Variants in BTG4 observed in about 807,000 individuals in gnomAD.
The protein encoded by BTG4 is protein BTG4.
A neutral mutation model predicts 19.3 loss-of-function variants in BTG4; 10 were observed. The ratio of observed to expected loss-of-function variants is 0.52; its 90% confidence interval spans 0.32 to 0.88. The LOEUF is 0.88. Ranked by LOEUF, BTG4 falls within the 40% of genes least tolerant of loss-of-function variation. The pLI, the probability that BTG4 is intolerant of heterozygous loss-of-function variation, is 0.04. For synonymous variants in BTG4, 91 were observed against 95.7 expected, an observed-to-expected ratio of 0.95 and a Z score of 0.29; for missense variants, 238 against 281.9, an observed-to-expected ratio of 0.84 and a Z score of 1.11.
chr11:111,435,612 C>A, the BTG4 span, among the ~76,000 whole-genome samples: 35 of 152,344 alleles, frequency 2.3e-4, no homozygotes, highest in African/African-American at 8.2e-4. Flanking sequence ...AGCAAACAAG[C>A]TGCCTACCCT....
chr11:111,487,710 C>T (rs1865150990), intron 5 of BTG4, among the ~76,000 whole-genome samples: 1 of 152,020 alleles, frequency 6.6e-6, no homozygotes, highest in Non-Finnish European at 1.5e-5. Context: ...TTAGAAAAAC[C>T]TAAAGACTCC....
the BTG4 span, among the ~76,000 whole-genome samples, chr11:111,448,064 G>A: frequency 2.0e-5 from 3 of 152,206 alleles, no homozygotes; most frequent in Non-Finnish European, 2.9e-5. Context: ...ACCCAAGGGT[G>A]AGGATGCTCC....
chr11:111,426,650 G>A, the BTG4 span, among the ~76,000 whole-genome samples: 5 of 152,092 alleles, frequency 3.3e-5, no homozygotes, highest in Middle Eastern at 3.4e-3. Context: ...AGCCCAGGCC[G>A]GCCTGAATTC....
chr11:111,455,639 T>C, the BTG4 span: 1 of 320,056 alleles, frequency 3.1e-6, no homozygotes. Context: ...CTGGCCAACC[T>C]GGATCAGACT....
chr11:111,420,314 G>A, the BTG4 span, among the ~76,000 whole-genome samples: 1 of 152,210 alleles, frequency 6.6e-6, no homozygotes, highest in African/African-American at 2.4e-5. Flanking sequence ...CAGCAGGGTA[G>A]ACCAATCTGA....
intron 1 of BTG4, among the ~76,000 whole-genome samples, chr11:111,505,369 G>A (rs1332328537): frequency 1.3e-5 from 2 of 151,962 alleles, no homozygotes; most frequent in African/African-American, 4.8e-5. Context: ...AATAAACAAT[G>A]GGAAATAGAC....
chr11:111,444,848 G>C, the BTG4 span, among the ~76,000 whole-genome samples: 1 of 152,268 alleles, frequency 6.6e-6, no homozygotes, highest in South Asian at 2.1e-4. Flanking sequence ...GCAGGAGAGC[G>C]CAGCAGTAAA....
At chr11:111,432,481 TA>T in the BTG4 span, among the ~76,000 whole-genome samples, 1 of 152,100 alleles carries the variant, frequency 6.6e-6, no homozygotes, top group African/African-American at 2.4e-5. Context: ...CCATCTCTAC[TA>T]AAAATACAAA....
chr11:111,472,423 T>C (rs1038613840), intron 5 of BTG4, among the ~76,000 whole-genome samples: 2 of 152,190 alleles, frequency 1.3e-5, no homozygotes, highest in African/African-American at 4.8e-5. Flanking sequence ...ATGTTTTTGA[T>C]TGGCATGACT....
chr11:111,430,176 G>A, the BTG4 span, among the ~76,000 whole-genome samples: 2 of 152,180 alleles, frequency 1.3e-5, no homozygotes, highest in African/African-American at 4.8e-5. Flanking sequence ...AAGTCCTGAC[G>A]ACACGTGCCC....
chr11:111,485,804 G>C (rs1180869090), intron 5 of BTG4, among the ~76,000 whole-genome samples: 1 of 151,948 alleles, frequency 6.6e-6, no homozygotes, highest in Non-Finnish European at 1.5e-5. Context: ...ATGAAAAGTT[G>C]GTTTTTTGAA....
chr11:111,424,125 A>G, the BTG4 span, among the ~76,000 whole-genome samples: 1 of 152,250 alleles, frequency 6.6e-6, no homozygotes, highest in African/African-American at 2.4e-5. Flanking sequence ...TGTTCTTCAG[A>G]GAGCTCTTAG....
chr11:111,507,930 A>G (rs1866574549), intron 1 of BTG4: 1 of 152,214 alleles, frequency 6.6e-6, no homozygotes, highest in Non-Finnish European at 1.5e-5. Flanking sequence ...TATCAAGAGG[A>G]TAAAAGAGCT....
At chr11:111,494,526 T>C (rs1944113), downstream of BTG4, among the ~76,000 whole-genome samples, 18,163 of 152,198 alleles carry the variant, frequency 0.12, 2,363 homozygotes, top group African/African-American at 0.33. Flanking sequence ...CCATAAACAT[T>C]GAAAAGTAGC....
the BTG4 span, among the ~76,000 whole-genome samples, chr11:111,420,563 C>T: frequency 6.6e-6 from 1 of 152,166 alleles, no homozygotes; most frequent in Non-Finnish European, 1.5e-5. Context: ...AGTTAAGCCT[C>T]AAAAGTCACA....
At chr11:111,424,286 G>A in the BTG4 span, among the ~76,000 whole-genome samples, 1 of 152,226 alleles carries the variant, frequency 6.6e-6, no homozygotes, top group Non-Finnish European at 1.5e-5. Flanking sequence ...GGAAAGCAAG[G>A]AAACTAGCCT....
At chr11:111,406,905 G>A in the BTG4 span, among the ~76,000 whole-genome samples, 5 of 152,152 alleles carry the variant, frequency 3.3e-5, no homozygotes, top group African/African-American at 9.7e-5. Context: ...TGTAATGCTG[G>A]AGCCTGCCTA....
the BTG4 span, among the ~76,000 whole-genome samples, chr11:111,433,200 C>A: frequency 1.3e-5 from 2 of 152,106 alleles, no homozygotes; most frequent in African/African-American, 4.8e-5. Flanking sequence ...TGGAAGAGAC[C>A]TTAAAGATCA....
chr11:111,438,425 C>T, the BTG4 span, among the ~76,000 whole-genome samples: 1 of 152,232 alleles, frequency 6.6e-6, no homozygotes, highest in Non-Finnish European at 1.5e-5. Context: ...TCTGGCCTGA[C>T]TCTGTTCTTT....
Sources: allele counts gnomAD v4.1 joint callset (sites outside exome capture counted in the v4.1 genomes callset), GRCh38; gene constraint gnomAD v4.1.1; transcripts MANE v1.5; gene names NCBI Gene and HGNC (gene_info 2026-07-23, HGNC 2026-07-21).